The following BRD4 variants were observed in gnomAD, a reference collection of about 807,000 sequenced individuals.
BRD4 encodes the protein bromodomain containing 4, also known as bromodomain-containing protein 4.
BRD4 carries 16 observed loss-of-function variants against 142.1 expected under a neutral mutation model. The observed-to-expected ratio is 0.11, with a 90% CI of 0.08 to 0.17. The LOEUF is 0.17. BRD4 is among the 10% of genes least tolerant of loss of function. The probability of loss-of-function intolerance (pLI) is 1.00; values close to 1 mark genes in which losing one functional copy is unlikely to be tolerated. For synonymous variants in BRD4, 833 were observed against 707.5 expected (o/e 1.18, Z -2.82); for missense variants, 1,424 against 1,810.9 (o/e 0.79, Z 3.88).
At chr19:15,306,645 G>C (rs1474797153) in intron 1 of BRD4, among the ~76,000 whole-genome samples, 3 of 152,086 alleles carry the variant, frequency 2.0e-5, no homozygotes, top group Non-Finnish European at 4.4e-5. Context: ...GGCTATTATA[G>C]GGTTATTAAC....
At chr19:15,312,628 G>A (rs1052561467) in intron 1 of BRD4, among the ~76,000 whole-genome samples, 3 of 150,750 alleles carry the variant, frequency 2.0e-5, no homozygotes, top group Non-Finnish European at 3.0e-5. Flanking sequence ...GTGAAAATCC[G>A]TCAAATCAAA....
chr19:15,261,351 C>T (rs560268579), intron 7 of BRD4, among the ~76,000 whole-genome samples: 12 of 152,204 alleles, frequency 7.9e-5, no homozygotes, highest in South Asian at 6.2e-4. Context: ...GGCGTGGTGG[C>T]GTGCGCCTGT....
rs1029739700 is a variant in BRD4 at position 15,236,109 on chromosome 19, G to A, written c.*2268C>T. ...GATGCCTGAACCACACCCTCACAGGGAGGTTTGGCAGATCCAAAGACAATA... is the reference window on the plus strand; with the variant it reads ...GATGCCTGAACCACACCCTCACAGGAAGGTTTGGCAGATCCAAAGACAATA... On this transcript the variant is annotated 3_prime_UTR_variant, in exon 20 of 20. Coordinates refer to ENST00000679869, the MANE Select transcript of BRD4 (RefSeq NM_001379291.1). 2 of 152,262 alleles carry A rather than the reference G, an allele frequency of 1.3e-5. No homozygotes were observed. Among genetic ancestry groups the A allele is most frequent in the African/African-American group, 4.8e-5 (2 of 41,462 alleles). The allele number at this position is 152,262 out of a possible 1,614,324, so 9.4% of individuals were successfully genotyped here.
intron 1 of BRD4, among the ~76,000 whole-genome samples, chr19:15,277,128 A>C (rs538431182): frequency 6.6e-6 from 1 of 152,330 alleles, no homozygotes; most frequent in South Asian, 2.1e-4. Flanking sequence ...TGTGGCCAAA[A>C]AGCAGGAGCC....
chr19:15,325,397 G>T (rs1031917512), intron 1 of BRD4, among the ~76,000 whole-genome samples: 1 of 152,170 alleles, frequency 6.6e-6, no homozygotes, highest in African/African-American at 2.4e-5. Flanking sequence ...TTCCAGTTAA[G>T]ACTGGACTGG....
chr19:15,302,559 C>T (rs1242751993), intron 1 of BRD4, among the ~76,000 whole-genome samples: 2 of 147,904 alleles, frequency 1.4e-5, no homozygotes, highest in Non-Finnish European at 3.0e-5. Flanking sequence ...ATTCCAGCAA[C>T]TCAGGAGGCT....
At chr19:15,255,201 G>C (rs550147555) in intron 10 of BRD4, 96 bp downstream of exon 10, 23 of 1,252,124 alleles carry the variant, frequency 1.8e-5, no homozygotes, top group Middle Eastern at 5.0e-4. Flanking sequence ...AAAAAAAAAG[G>C]GGGGGGGCGC....
rs2047209737 is a variant in BRD4 at position 15,238,268 on chromosome 19, G to A, written c.*109C>T. The stretch of plus-strand genomic sequence containing the variant: ...CCGGGCATAGCATGCAGGAGGGCCA[G>A]GCCCTGAGGCATCCCCTGGCCGCTG... On this transcript the variant is annotated 3_prime_UTR_variant, in exon 20 of 20. Transcript: ENST00000679869. The surrounding 1 kb of genome is among the most constrained non-coding windows in gnomAD (Gnocchi z 7.2). 5 of 1,547,640 alleles carry A rather than the reference G, an allele frequency of 3.2e-6. No individual in the cohort carries two copies. The highest frequency in any genetic ancestry group is 2.6e-6 in the Non-Finnish European group (3 of 1,142,238).
intron 13 of BRD4, among the ~76,000 whole-genome samples, chr19:15,243,822 T>C (rs2047260443): frequency 1.3e-5 from 2 of 152,110 alleles, no homozygotes; most frequent in South Asian, 4.1e-4. Context: ...CCTGTCCCCA[T>C]ATCCCCCAGG....
chr19:15,327,933 G>GGGGA, intron 1 of BRD4, among the ~76,000 whole-genome samples: 3 of 130,810 alleles, frequency 2.3e-5, no homozygotes, highest in Non-Finnish European at 3.3e-5. Flanking sequence ...GGGGGGGGTG[G>GGGGA]AAATGTCCTA....
At chr19:15,249,302 G>C in intron 11 of BRD4, 1 of 1,613,974 alleles carries the variant, frequency 6.2e-7, no homozygotes, top group Non-Finnish European at 8.5e-7. Flanking sequence ...TACGTAGAGG[G>C]AGAGAGAAAC....
chr19:15,286,719 G>A (rs1373058664), intron 1 of BRD4, among the ~76,000 whole-genome samples: 1 of 152,174 alleles, frequency 6.6e-6, no homozygotes, highest in Non-Finnish European at 1.5e-5. Context: ...TGAAAAAGTA[G>A]ATTCACATAC....
At chr19:15,311,721 G>C (rs771173597) in intron 1 of BRD4, among the ~76,000 whole-genome samples, 1 of 151,966 alleles carries the variant, frequency 6.6e-6, no homozygotes, top group Non-Finnish European at 1.5e-5. Context: ...AGAATCACTT[G>C]AACCCGGGAG....
chr19:15,264,626 A>G lies in BRD4; in HGVS notation c.990T>C (p.Pro330=). Residue 330 remains proline (P), a synonymous_variant, in exon 6 of 20, where the codon CCT becomes CCC. Coordinates refer to ENST00000679869, the MANE Select transcript of BRD4 (RefSeq NM_001379291.1). ...GAGAGTCGGGCACGTCCTTCTTTGGAGGTTTCACAGGCCGGCTGCTCTCCC... is the reference window on the plus strand; with the variant it reads ...GAGAGTCGGGCACGTCCTTCTTTGGGGGTTTCACAGGCCGGCTGCTCTCCC... The part of the protein sequence containing the change: ...QRRESSRPVK[P]PKKDVPDSQQ... 6.2e-7 allele frequency: 1 copy of G among 1,613,578 alleles called. No individual in the cohort carries two copies. The highest frequency in any genetic ancestry group is 8.5e-7 in the Non-Finnish European group (1 of 1,179,920).
intron 1 of BRD4, among the ~76,000 whole-genome samples, chr19:15,302,310 A>C (rs1186219067): frequency 6.6e-6 from 1 of 152,214 alleles, no homozygotes; most frequent in Non-Finnish European, 1.5e-5. Flanking sequence ...AGGCAGACAG[A>C]CCTGCAAGTG....
At chr19:15,264,296 A>G in intron 6 of BRD4, 108 bp downstream of exon 6, 1 of 1,441,094 alleles carries the variant, frequency 6.9e-7, no homozygotes, top group Non-Finnish European at 9.2e-7. Context: ...CCACGCAGCC[A>G]CCGTTCCAGG....
chr19:15,331,868 C>T (rs1236694207), intron 1 of BRD4: 9 of 142,210 alleles, frequency 6.3e-5, no homozygotes, highest in Non-Finnish European at 1.4e-4. Flanking sequence ...CCCGCGGCGG[C>T]CGCTTCCTCC....
chr19:15,331,543 G>A (rs1385425892), intron 1 of BRD4, among the ~76,000 whole-genome samples: 1 of 152,216 alleles, frequency 6.6e-6, no homozygotes, highest in Non-Finnish European at 1.5e-5. Context: ...AGCGGGCCAA[G>A]CTCGCCTCCA....
chr19:15,274,091 G>A (rs922168977), intron 1 of BRD4, among the ~76,000 whole-genome samples: 2 of 152,208 alleles, frequency 1.3e-5, no homozygotes, highest in African/African-American at 4.8e-5. Context: ...GTGGAGATAG[G>A]AGGCCAGTGA....
Sources: allele counts gnomAD v4.1 joint callset (sites outside exome capture counted in the v4.1 genomes callset), GRCh38; gene constraint gnomAD v4.1.1; non-coding constraint Gnocchi (gnomAD v3.1); transcripts MANE v1.5; gene names NCBI Gene and HGNC (gene_info 2026-07-23, HGNC 2026-07-21).